The following BTBD1 variants were observed in gnomAD, a reference collection of about 807,000 sequenced individuals.
BTBD1 encodes the protein BTB domain containing 1.
A neutral mutation model predicts 48.0 loss-of-function variants in BTBD1; 34 were observed. The observed-to-expected ratio is 0.71, with a 90% CI of 0.54 to 0.94. The LOEUF is 0.94. Ranked by LOEUF, BTBD1 falls within the 40% of genes least tolerant of loss-of-function variation. BTBD1 has a pLI of 0.00. For synonymous variants in BTBD1, 261 were observed against 242.1 expected (o/e 1.08, Z -0.72); for missense variants, 543 against 625.6 (o/e 0.87, Z 1.41).
intron 4 of BTBD1, among the ~76,000 whole-genome samples, chr15:83,033,030 C>T (rs897723822): frequency 6.8e-6 from 1 of 146,690 alleles, no homozygotes; most frequent in Non-Finnish European, 1.5e-5. Flanking sequence ...GAATAACTGT[C>T]AACCTTGAGC....
intron 4 of BTBD1, among the ~76,000 whole-genome samples, chr15:83,040,994 A>G (rs2032744514): frequency 6.6e-6 from 1 of 151,752 alleles, no homozygotes; most frequent in Non-Finnish European, 1.5e-5. Flanking sequence ...TATAAAAAAA[A>G]TTAAAAAATT....
intron 4 of BTBD1, among the ~76,000 whole-genome samples, chr15:83,035,564 T>G (rs892529918): frequency 9.2e-5 from 14 of 151,632 alleles, no homozygotes; most frequent in Non-Finnish European, 1.9e-4. Context: ...TTAAAAACTG[T>G]GGGGGGGAAG....
rs1242041752 is a variant in BTBD1 at position 83,019,589 on chromosome 15, CT to C, written c.1144-737del. Among the ~76,000 whole-genome samples, 410 of 132,940 alleles carry C rather than the reference CT, an allele frequency of 3.1e-3. 2 individuals are homozygous for C. Among genetic ancestry groups the C allele is most frequent in the Admixed American group, 0.015 (200 of 12,992 alleles). 87.2% of individuals were successfully genotyped at this position (132,940 alleles called of 152,430 possible). Reference sequence around the variant, plus strand: ...AGTTTGTACACAAGAAGCCTGGTGTCTTTTTTTTTTTTTTTTTGAGACGGAG... The same window carrying C: ...AGTTTGTACACAAGAAGCCTGGTGTCTTTTTTTTTTTTTTTTGAGACGGAG... On this transcript the variant is annotated intron_variant, in intron 6 of 7. Transcript: ENST00000261721.
Position 83,041,926 on chromosome 15 carries a change from C to A in BTBD1, c.665-1G>T. On this transcript the variant is annotated splice_acceptor_variant, in intron 3 of 7. Coordinates refer to ENST00000261721, the MANE Select transcript of BTBD1 (RefSeq NM_025238.4). LOFTEE classifies it high-confidence loss of function. The stretch of plus-strand genomic sequence containing the variant: ...CTCTCTAAAACTGCACAGAGTGTAT[C>A]TATAGGCAAAATACAAAATAAACCC... 6.2e-7 allele frequency: 1 copy of A among 1,613,666 alleles called. No individual in the cohort carries two copies. The highest frequency in any genetic ancestry group is 8.5e-7 in the Non-Finnish European group (1 of 1,179,694).
chr15:83,058,444 T>C (rs1398037399), intron 1 of BTBD1, among the ~76,000 whole-genome samples: 13 of 152,160 alleles, frequency 8.5e-5, no homozygotes, highest in Non-Finnish European at 1.8e-4. Flanking sequence ...ACTAGAAAAC[T>C]ATGAAATTTT....
intron 3 of BTBD1, chr15:83,044,353 C>T (rs2032828451): frequency 4.1e-6 from 6 of 1,475,096 alleles, no homozygotes; most frequent in Non-Finnish European, 5.6e-6. Context: ...GCATGCCCGC[C>T]CGCCCGTGCC....
intron 5 of BTBD1, among the ~76,000 whole-genome samples, chr15:83,023,482 C>T (rs1285024025): frequency 2.0e-5 from 3 of 152,074 alleles, no homozygotes; most frequent in African/African-American, 4.8e-5. Context: ...TGGGCTCAGG[C>T]GACCCTCCTG....
In BTBD1 at chr15:83,018,175, C is replaced by G; in HGVS notation, c.1341G>C (p.Glu447Asp). The G allele has an allele frequency of 6.2e-7, 1 of 1,611,326 alleles. No homozygotes were observed. Among genetic ancestry groups the G allele is most frequent in the Non-Finnish European group, 8.5e-7 (1 of 1,178,760 alleles). ...GTKGLKKVVHETPAASKTVFF... is the reference protein window; with the variant it reads ...GTKGLKKVVHDTPAASKTVFF... ...AAACAGTCTTGCTTGCAGCAGGTGT[C>G]TCATGCACTACTTTCTTCAATCCTT... is the stretch of plus-strand genomic sequence containing the variant. The change falls in exon 8 of 8, where the codon GAG becomes GAC. Residue 447 changes from glutamate (E) to aspartate (D), a missense_variant. Physicochemically the swap from Glu to Asp is conservative, Grantham distance 45 (BLOSUM62 2). Coordinates refer to ENST00000261721, the MANE Select transcript of BTBD1 (RefSeq NM_025238.4).
intron 2 of BTBD1, among the ~76,000 whole-genome samples, chr15:83,054,208 C>T (rs771682959): frequency 2.6e-5 from 4 of 152,092 alleles, no homozygotes; most frequent in East Asian, 1.9e-4. Flanking sequence ...CGTGGTGGTA[C>T]GCACTGGTAA....
intron 4 of BTBD1, among the ~76,000 whole-genome samples, chr15:83,032,845 G>A (rs997572483): frequency 4.0e-5 from 6 of 151,844 alleles, no homozygotes; most frequent in South Asian, 2.1e-4. Flanking sequence ...GGTGGTGGGT[G>A]CCTGTGATCC....
intron 5 of BTBD1, among the ~76,000 whole-genome samples, chr15:83,025,141 G>A (rs922198243): frequency 3.9e-5 from 6 of 151,920 alleles, no homozygotes; most frequent in Admixed American, 3.9e-4. Context: ...ATCACCTGAG[G>A]TCAGGAGTTC....
In BTBD1 at chr15:83,018,237, CA is replaced by C. The variant is rs1476928162; in HGVS notation, c.1291-13del. The stretch of plus-strand genomic sequence containing the variant: ...TGGGAATCTGGACCCTAAATGAGAA[CA>C]AAAGGTTCCTTAGTAATTTTCATTT... On this transcript the variant is annotated splice_polypyrimidine_tract_variant and intron_variant, in intron 7 of 7. Coordinates refer to ENST00000261721, the MANE Select transcript of BTBD1 (RefSeq NM_025238.4). 13 of 1,538,964 alleles carry C rather than the reference CA, an allele frequency of 8.4e-6. No homozygotes were observed. The highest frequency in any genetic ancestry group is 1.3e-5 in the South Asian group (1 of 75,620).
chr15:83,038,621 G>A (rs1170491573), intron 4 of BTBD1, among the ~76,000 whole-genome samples: 3 of 151,970 alleles, frequency 2.0e-5, no homozygotes, highest in Non-Finnish European at 4.4e-5. Flanking sequence ...CAAAATTGGA[G>A]GCATCACATT....
chr15:83,038,940 C>A (rs1050442107), intron 4 of BTBD1, among the ~76,000 whole-genome samples: 3 of 152,014 alleles, frequency 2.0e-5, no homozygotes, highest in Non-Finnish European at 4.4e-5. Flanking sequence ...TAGAAAAAAA[C>A]CTAGGAAATA....
chr15:83,020,941 T>C (rs951243360), intron 5 of BTBD1, 179 bp from the exon 6 acceptor site: 10 of 492,178 alleles, frequency 2.0e-5, no homozygotes, highest in Non-Finnish European at 2.8e-5. Context: ...TAGAGCAGAT[T>C]TGAACTTAAG....
chr15:83,063,464 C>T (rs1469126563), intron 1 of BTBD1, among the ~76,000 whole-genome samples: 2 of 152,156 alleles, frequency 1.3e-5, no homozygotes, highest in African/African-American at 4.8e-5. Context: ...CCTTTGCTAC[C>T]TCCCTGGTAC....
chr15:83,033,231 G>T (rs746343483), intron 4 of BTBD1, among the ~76,000 whole-genome samples: 1 of 151,958 alleles, frequency 6.6e-6, no homozygotes, highest in Non-Finnish European at 1.5e-5. Flanking sequence ...AAAAAAAATG[G>T]TAAGATAAAG....
At chr15:83,036,182 C>CAAGT (rs1176920354) in intron 4 of BTBD1, among the ~76,000 whole-genome samples, 1 of 123,062 alleles carries the variant, frequency 8.1e-6, no homozygotes, top group African/African-American at 3.1e-5. Flanking sequence ...AAAGATGTGA[C>CAAGT]AAGTAGAAAA....
chr15:83,030,265 A>G lies in BTBD1; in HGVS notation c.926T>C (p.Val309Ala). ...GTATTCAACTCGGGGTTTAGGGTTG[A>G]CAGTAAAATGAAGAAAGAGGTTTAC... ...EVVNLFLHFT[V>A]NPKPRVEYID... Residue 309 changes from valine to alanine, a missense_variant, in exon 5 of 8, where the codon GTC becomes GCC. This residue lies in a region of BTBD1 where 300 missense variants were observed against 350.0 expected (regional missense o/e 0.86). Coordinates refer to ENST00000261721, the MANE Select transcript of BTBD1 (RefSeq NM_025238.4). The G allele has an allele frequency of 6.2e-7, 1 of 1,614,072 alleles. No individual in the cohort carries two copies. The highest frequency in any genetic ancestry group is 8.5e-7 in the Non-Finnish European group (1 of 1,179,982).
Sources: gnomAD v4.1 joint callset for allele counts (sites outside exome capture counted in the v4.1 genomes callset) on GRCh38, gnomAD v4.1.1 for gene constraint, gnomAD v4.1.1 regional missense constraint, MANE v1.5 for transcripts, NCBI Gene and HGNC (gene_info 2026-07-23, HGNC 2026-07-21) for gene names.